RNF111: variants seen among roughly 807,000 people sequenced by gnomAD.
RNF111 encodes the protein E3 ubiquitin-protein ligase Arkadia.
RNF111 carries 17 observed loss-of-function variants against 95.1 expected under a neutral mutation model. The ratio of observed to expected loss-of-function variants is 0.18; its 90% CI spans 0.12 to 0.27. The LOEUF is 0.27. Among genes scored for constraint, RNF111 ranks in the 10% least tolerant of loss-of-function variants. RNF111 has a pLI of 1.00. For missense variants in RNF111, 1,189 were observed against 1,210.4 expected (o/e 0.98, Z 0.26); for synonymous variants, 440 against 414.8 (o/e 1.06, Z -0.74).
intron 6 of RNF111, among the ~76,000 whole-genome samples, chr15:59,071,897 C>T (rs550423054): frequency 3.4e-4 from 51 of 152,098 alleles, no homozygotes; most frequent in Non-Finnish European, 7.1e-4. Context: ...AAGCAAGTCA[C>T]ATGAATTTTT....
chr15:59,091,199 A>G (rs1376595554), intron 12 of RNF111, 45 bp downstream of exon 12: 1 of 1,068,026 alleles, frequency 9.4e-7, no homozygotes, highest in African/African-American at 1.6e-5. Flanking sequence ...ACTGAAAGGC[A>G]TAAATGTAAT....
At chr15:59,002,460 G>A (rs771425870) in intron 1 of RNF111, among the ~76,000 whole-genome samples, 2 of 152,002 alleles carry the variant, frequency 1.3e-5, no homozygotes, top group Non-Finnish European at 2.9e-5. Context: ...GTAAATACGG[G>A]AAGTACGGTT....
In RNF111 at chr15:58,998,444, A is replaced by G. The variant is rs574862335; in HGVS notation, c.-20+10376A>G. Among the ~76,000 whole-genome samples, 131 of 152,146 alleles carry G rather than the reference A, an allele frequency of 8.6e-4. 2 individuals are homozygous for G. The South Asian group carries it at 0.027, about 31-fold the overall frequency. On this transcript the variant is annotated intron_variant, in intron 1 of 13. Coordinates refer to ENST00000348370, the MANE Select transcript of RNF111 (RefSeq NM_017610.8). ...GATTACAGTGAGTGTTCTTCCCCTC[A>G]TTGTGTCCGTATGTTCTTGGGAAGG... is the stretch of plus-strand genomic sequence containing the variant.
intron 8 of RNF111, among the ~76,000 whole-genome samples, chr15:59,082,902 T>C (rs948015772): frequency 1.3e-5 from 2 of 152,242 alleles, no homozygotes; most frequent in African/African-American, 2.4e-5. Context: ...AACAGTCTTA[T>C]CTTCCAGTAA....
chr15:59,077,214 T>C (rs2078590590), intron 7 of RNF111, among the ~76,000 whole-genome samples: 1 of 152,270 alleles, frequency 6.6e-6, no homozygotes, highest in African/African-American at 2.4e-5. Context: ...TCATTTTTGA[T>C]TGATCATCTT....
At chr15:59,011,921 G>C (rs1227871074) in intron 1 of RNF111, among the ~76,000 whole-genome samples, 1 of 151,140 alleles carries the variant, frequency 6.6e-6, no homozygotes, top group Admixed American at 6.6e-5. Context: ...ACCAAACTAG[G>C]ATTGTCAAAG....
intron 2 of RNF111, among the ~76,000 whole-genome samples, chr15:59,041,961 A>ATTTTTTTTTTTTTTTTTTTTTTTTT (rs79347638): frequency 1.0e-5 from 1 of 100,104 alleles, no homozygotes. Flanking sequence ...GTCTGTTCAT[A>ATTTTTTTTTTTTTTTTTTTTTTTTT]TTTTTTTTTT....
intron 2 of RNF111, 60 bp from the exon 3 acceptor site, chr15:59,052,245 T>G (rs2042019357): frequency 7.1e-7 from 1 of 1,415,466 alleles, no homozygotes; most frequent in South Asian, 1.7e-5. Context: ...AATAAAAATT[T>G]CTGCCTAACG....
At chr15:58,996,884 T>C (rs2039099922) in intron 1 of RNF111, among the ~76,000 whole-genome samples, 1 of 152,078 alleles carries the variant, frequency 6.6e-6, no homozygotes, top group South Asian at 2.1e-4. Flanking sequence ...AAAACAGTGG[T>C]TTCCTATGCA....
At position 58,987,706 on chromosome 15, in the gene RNF111, GGCGGCGGCGAA is replaced by G. The variant is rs1251349153; in HGVS notation, c.-372_-362del. On this transcript the variant is annotated 5_prime_UTR_variant, in exon 1 of 14. Coordinates refer to ENST00000348370, the MANE Select transcript of RNF111 (RefSeq NM_017610.8). The stretch of plus-strand genomic sequence containing the variant: ...GTAGGGGAGGAATTGGTTAGGCGGC[GGCGGCGGCGAA>G]GCGGCGGCGGCGGCTGTAGGGGAGC... 2.2e-5 allele frequency: 4 copies of G among 179,518 alleles called. No homozygotes were observed. Among genetic ancestry groups the G allele is most frequent in the East Asian group, 1.7e-4 (1 of 5,996 alleles). 11.1% of individuals were successfully genotyped at this position (179,518 alleles called of 1,614,324 possible).
chr15:58,992,431 C>T (rs1336378853), intron 1 of RNF111, among the ~76,000 whole-genome samples: 3 of 152,136 alleles, frequency 2.0e-5, no homozygotes, highest in African/African-American at 7.2e-5. Context: ...CTGGCACAAT[C>T]TGGATAATTG....
intron 1 of RNF111, among the ~76,000 whole-genome samples, chr15:59,023,503 A>C (rs1234540315): frequency 7.3e-5 from 11 of 151,560 alleles, no homozygotes; most frequent in African/African-American, 2.7e-4. Context: ...GTGTAAAGGA[A>C]AGTCATTGAT....
chr15:59,007,328 G>T (rs2039587157), intron 1 of RNF111, among the ~76,000 whole-genome samples: 1 of 150,986 alleles, frequency 6.6e-6, no homozygotes, highest in African/African-American at 2.4e-5. Flanking sequence ...ATAAATAGAA[G>T]CATACCGATA....
At chr15:58,994,473 CTTTTTTTTTT>C (rs35787227) in intron 1 of RNF111, among the ~76,000 whole-genome samples, 2 of 69,540 alleles carry the variant, frequency 2.9e-5, no homozygotes, top group East Asian at 4.1e-4. Flanking sequence ...TTTTCTCTCT[CTTTTTTTTTT>C]TTTTTTTTTT....
intron 1 of RNF111, among the ~76,000 whole-genome samples, chr15:59,021,771 T>G (rs1333367100): frequency 5.3e-5 from 8 of 152,226 alleles, no homozygotes; most frequent in African/African-American, 1.4e-4. Flanking sequence ...TCACTCAGTA[T>G]TCATTGAATA....
At chr15:59,072,013 A>T (rs1232431401) in intron 6 of RNF111, among the ~76,000 whole-genome samples, 1 of 152,208 alleles carries the variant, frequency 6.6e-6, no homozygotes, top group Non-Finnish European at 1.5e-5. Flanking sequence ...AAAATACTTC[A>T]GTTTAAAAAT....
At chr15:59,076,292 T>G in intron 7 of RNF111, 77 bp downstream of exon 7, 3 of 1,483,458 alleles carry the variant, frequency 2.0e-6, no homozygotes, top group Non-Finnish European at 2.7e-6. Context: ...GAAATAACCT[T>G]TAATCCCAGT....
chr15:58,992,732 A>G (rs1348660000), intron 1 of RNF111, among the ~76,000 whole-genome samples: 2 of 152,186 alleles, frequency 1.3e-5, no homozygotes, highest in Admixed American at 1.3e-4. Context: ...AGGTGAGAGG[A>G]TGGCTTGAGC....
At chr15:59,094,703 A>G in intron 13 of RNF111, 80 bp from the exon 14 acceptor site, 1 of 808,744 alleles carries the variant, frequency 1.2e-6, no homozygotes, top group East Asian at 2.6e-5. Context: ...ACATTATTGA[A>G]TTATTACATA....
Sources: allele counts gnomAD v4.1 joint callset (sites outside exome capture counted in the v4.1 genomes callset), GRCh38; gene constraint gnomAD v4.1.1; transcripts MANE v1.5; gene names NCBI Gene and HGNC (gene_info 2026-07-23, HGNC 2026-07-21).